The following SLC12A2 variants were observed in gnomAD, a reference collection of about 807,000 sequenced individuals.
SLC12A2 encodes the protein solute carrier family 12 member 2.
Under a neutral mutation model 136.3 loss-of-function variants are expected in SLC12A2, and 67 were observed. The observed-to-expected ratio is 0.49, with a 90% CI of 0.40 to 0.60. The LOEUF (loss-of-function observed/expected upper bound fraction) is 0.60, where lower values mean the gene tolerates loss of function less well. Among genes scored for constraint, SLC12A2 ranks in the 20% least tolerant of loss-of-function variants. The pLI is 0.00. For synonymous variants in SLC12A2, 619 were observed against 562.9 expected, an observed-to-expected ratio of 1.10 and a Z score of -1.41; for missense variants, 1,322 against 1,534.7, an observed-to-expected ratio of 0.86 and a Z score of 2.32.
rs943784918 is a variant in SLC12A2 at position 128,149,762 on chromosome 5, T to C, written c.2006-235T>C. Reference sequence around the variant, plus strand: ...CTATATAATATGACTGGACAGAATATACCAAGTTTGGAGATGTGTGAGATA... The same window carrying C: ...CTATATAATATGACTGGACAGAATACACCAAGTTTGGAGATGTGTGAGATA... On this transcript the variant is annotated intron_variant, in intron 12 of 26. Coordinates refer to ENST00000262461, the MANE Select transcript of SLC12A2 (RefSeq NM_001046.3). Among the ~76,000 whole-genome samples the C allele has an allele frequency of 1.3e-4, 19 of 151,958 alleles. 1 individual carries two copies. Among genetic ancestry groups the C allele is most frequent in the Admixed American group, 6.6e-4 (10 of 15,240 alleles).
chr5:128,118,645 G>A (rs1300105336), intron 4 of SLC12A2, among the ~76,000 whole-genome samples: 1 of 152,106 alleles, frequency 6.6e-6, no homozygotes, highest in Admixed American at 6.5e-5. Flanking sequence ...CTTGGGTGAT[G>A]AATGCACCAA....
At chr5:128,121,483 C>A (rs143798866) in intron 4 of SLC12A2, among the ~76,000 whole-genome samples, 9 of 151,800 alleles carry the variant, frequency 5.9e-5, no homozygotes, top group Non-Finnish European at 1.2e-4. Flanking sequence ...CCACCACGCC[C>A]GGCTAATTTT....
chr5:128,160,508 G>T (rs1763004346), intron 16 of SLC12A2, among the ~76,000 whole-genome samples: 1 of 152,150 alleles, frequency 6.6e-6, no homozygotes, highest in Non-Finnish European at 1.5e-5. Flanking sequence ...AATATCTCTG[G>T]TATGTAAGAA....
At chr5:128,110,398 C>T (rs1165227894) in intron 1 of SLC12A2, 4 of 1,025,612 alleles carry the variant, frequency 3.9e-6, no homozygotes, top group Non-Finnish European at 6.2e-6. Flanking sequence ...AAAAACTCCA[C>T]AGCTGTCTTG....
intron 5 of SLC12A2, among the ~76,000 whole-genome samples, chr5:128,133,216 A>G (rs1762085655): frequency 6.6e-6 from 1 of 152,100 alleles, no homozygotes; most frequent in Non-Finnish European, 1.5e-5. Context: ...TATGAAATTG[A>G]ATGGGACCCT....
chr5:128,147,735 T>G lies in SLC12A2; in HGVS notation c.1881+6T>G. 6.6e-7 allele frequency: 1 copy of G among 1,510,076 alleles called. No homozygotes were observed. Among genetic ancestry groups the G allele is most frequent in the Non-Finnish European group, 9.2e-7 (1 of 1,086,676 alleles). 93.5% of individuals were successfully genotyped at this position (1,510,076 alleles called of 1,614,324 possible). A position where few individuals can be genotyped will look rare whatever the true frequency, so the allele number is the denominator to read the frequency against. ...GTGCTCCCAAAATATTTCAGGTAAG[T>G]GTTTTTATATTACAGGCTTTATTAA... On this transcript the variant is annotated splice_donor_region_variant and intron_variant, in intron 11 of 26. Transcript: ENST00000262461.
intron 18 of SLC12A2, chr5:128,169,650 T>C (rs555743552): frequency 6.6e-6 from 1 of 152,320 alleles, no homozygotes; most frequent in East Asian, 1.9e-4. Context: ...ATTCTGTGTA[T>C]ATAGGGATTA....
At chr5:128,183,031 G>A in intron 24 of SLC12A2, 90 bp downstream of exon 24, 1 of 743,146 alleles carries the variant, frequency 1.3e-6, no homozygotes, top group Non-Finnish European at 2.2e-6. Flanking sequence ...TTTTTTTCCT[G>A]TTGTTAGTTA....
intron 13 of SLC12A2, among the ~76,000 whole-genome samples, chr5:128,150,801 T>C (rs891842762): frequency 2.0e-5 from 3 of 151,902 alleles, no homozygotes; most frequent in Admixed American, 2.0e-4. Flanking sequence ...ATGTTTTTAA[T>C]GATTTTTATG....
chr5:128,115,027 C>T (rs1039998653), intron 4 of SLC12A2, among the ~76,000 whole-genome samples: 3 of 152,316 alleles, frequency 2.0e-5, no homozygotes, highest in Non-Finnish European at 2.9e-5. Flanking sequence ...ATTGGGGTAA[C>T]CTCATTCCCC....
chr5:128,165,731 TA>T (rs1337415178), intron 17 of SLC12A2, among the ~76,000 whole-genome samples: 1 of 152,158 alleles, frequency 6.6e-6, no homozygotes, highest in Non-Finnish European at 1.5e-5. Flanking sequence ...AATGTAAGTA[TA>T]CAGAGTACAG....
intron 9 of SLC12A2, among the ~76,000 whole-genome samples, chr5:128,139,515 A>G (rs977021569): frequency 2.6e-5 from 4 of 152,226 alleles, no homozygotes; most frequent in Admixed American, 6.5e-5. Flanking sequence ...TAAGTGGTCA[A>G]CCAGTCTCTA....
At chr5:128,101,426 TATC>T (rs911493205) in intron 1 of SLC12A2, among the ~76,000 whole-genome samples, 1 of 152,210 alleles carries the variant, frequency 6.6e-6, no homozygotes, top group African/African-American at 2.4e-5. Flanking sequence ...ATCTTTAACG[TATC>T]TTTAAAAACA....
At chr5:128,157,208 T>C (rs1258535932) in intron 15 of SLC12A2, among the ~76,000 whole-genome samples, 1 of 152,220 alleles carries the variant, frequency 6.6e-6, no homozygotes, top group Admixed American at 6.5e-5. Flanking sequence ...ATATAAATCC[T>C]TTTCTGAAGG....
rs1483230014 is a variant in SLC12A2 at position 128,186,702 on chromosome 5, G to A, written c.*71G>A. ...TAGTGTAGTAACTGAAATCTTCAAT[G>A]ACACATTAACATCACAATGGCGAAT... On this transcript the variant is annotated 3_prime_UTR_variant, in exon 27 of 27. Coordinates refer to ENST00000262461, the MANE Select transcript of SLC12A2 (RefSeq NM_001046.3). 2.7e-6 allele frequency: 4 copies of A among 1,456,618 alleles called. No individual in the cohort carries two copies. Among genetic ancestry groups the A allele is most frequent in the Non-Finnish European group, 3.8e-6 (4 of 1,053,362 alleles). The allele number at this position is 1,456,618 out of a possible 1,614,324, so 90.2% of individuals were successfully genotyped here. A position where few individuals can be genotyped will look rare whatever the true frequency, so the allele number is the denominator to read the frequency against.
chr5:128,102,506 A>G (rs777051838), intron 1 of SLC12A2, among the ~76,000 whole-genome samples: 3 of 146,858 alleles, frequency 2.0e-5, no homozygotes, highest in Middle Eastern at 3.8e-3. Context: ...GGAATCGTAT[A>G]GCATATTTTC....
intron 18 of SLC12A2, chr5:128,169,827 A>G (rs1352679573): frequency 1.3e-5 from 2 of 152,048 alleles, no homozygotes; most frequent in Admixed American, 6.5e-5. Context: ...GTTGCTCATA[A>G]TGGAACACTG....
chr5:128,189,488 A>G lies in SLC12A2; in HGVS notation c.*2857A>G, dbSNP rs924590311. The G allele has an allele frequency of 2.0e-4, 31 of 152,570 alleles. No homozygotes were observed. Among genetic ancestry groups the G allele is most frequent in the African/African-American group, 5.5e-4 (23 of 41,446 alleles). 9.5% of individuals were successfully genotyped at this position (152,570 alleles called of 1,614,324 possible). A position where few individuals can be genotyped will look rare whatever the true frequency, so the allele number is the denominator to read the frequency against. The stretch of plus-strand genomic sequence containing the variant: ...CTGACATTACATATTTTTTAAGACT[A>G]TGGAAATAATTTAAAGATTTAAGCT... On this transcript the variant is annotated 3_prime_UTR_variant, in exon 27 of 27. Transcript: ENST00000262461.
At chr5:128,088,456 G>C (rs531860124) in intron 1 of SLC12A2, among the ~76,000 whole-genome samples, 1 of 152,270 alleles carries the variant, frequency 6.6e-6, no homozygotes, top group East Asian at 1.9e-4. Context: ...ATGTATGATG[G>C]AATGCTAGAT....
Sources: gnomAD v4.1 joint callset for allele counts (sites outside exome capture counted in the v4.1 genomes callset) on GRCh38, gnomAD v4.1.1 for gene constraint, MANE v1.5 for transcripts, NCBI Gene and HGNC (gene_info 2026-07-23, HGNC 2026-07-21) for gene names.